Variants in MICU1 observed in about 807,000 individuals in gnomAD.
MICU1 encodes the protein calcium uptake protein 1, mitochondrial.
In MICU1, 45 loss-of-function variants were observed where a neutral mutation model predicts 56.8. The observed-to-expected ratio is 0.79, with a 90% CI of 0.62 to 1.02. MICU1 has a LOEUF of 1.02. Among genes scored for constraint, MICU1 ranks in the 50% least tolerant of loss-of-function variants. MICU1 has a pLI of 0.00. For missense variants in MICU1, 504 were observed against 587.1 expected, an observed-to-expected ratio of 0.86 and a Z score of 1.46; for synonymous variants, 186 against 195.1, an observed-to-expected ratio of 0.95 and a Z score of 0.39.
intron 8 of MICU1, among the ~76,000 whole-genome samples, chr10:72,451,803 A>G (rs1372102644): frequency 6.6e-6 from 1 of 152,140 alleles, no homozygotes; most frequent in Non-Finnish European, 1.5e-5. Context: ...TTGGCCTCTT[A>G]AAGTGCTGGG....
chr10:72,547,533 G>A (rs1285682709), intron 4 of MICU1, among the ~76,000 whole-genome samples: 2 of 146,186 alleles, frequency 1.4e-5, no homozygotes, highest in African/African-American at 5.0e-5. Context: ...ATACACATAT[G>A]TATATATATA....
At chr10:72,554,741 G>A (rs959112988) in intron 3 of MICU1, among the ~76,000 whole-genome samples, 1 of 152,136 alleles carries the variant, frequency 6.6e-6, no homozygotes, top group Non-Finnish European at 1.5e-5. Flanking sequence ...TTGGCCAGGC[G>A]CCGTGGCTCA....
intron 1 of MICU1, among the ~76,000 whole-genome samples, chr10:72,608,942 T>G (rs888881588): frequency 6.6e-6 from 1 of 152,234 alleles, no homozygotes; most frequent in African/African-American, 2.4e-5. Context: ...AGAGTTGCTC[T>G]GAATCCATGC....
At chr10:72,456,990 G>C (rs1865491677) in intron 8 of MICU1, among the ~76,000 whole-genome samples, 1 of 132,150 alleles carries the variant, frequency 7.6e-6, no homozygotes, top group Non-Finnish European at 1.5e-5. Flanking sequence ...TGTGTGTTTT[G>C]TTTGTTTGTT....
chr10:72,484,229 T>C (rs1021078542), intron 6 of MICU1, among the ~76,000 whole-genome samples: 1 of 152,230 alleles, frequency 6.6e-6, no homozygotes, highest in Non-Finnish European at 1.5e-5. Flanking sequence ...GAAGTTTACA[T>C]GGCTAACTTT....
intron 1 of MICU1, among the ~76,000 whole-genome samples, chr10:72,601,945 G>T (rs1358256335): frequency 6.6e-6 from 1 of 151,684 alleles, no homozygotes; most frequent in Non-Finnish European, 1.5e-5. Flanking sequence ...GACTACAGGA[G>T]AGTGCCACCA....
At chr10:72,409,003 G>A (rs556308800) in intron 9 of MICU1, among the ~76,000 whole-genome samples, 4 of 152,086 alleles carry the variant, frequency 2.6e-5, no homozygotes, top group Admixed American at 2.6e-4. Context: ...ATGATGCATC[G>A]AGAAAAAGTA....
chr10:72,373,973 C>A (rs1020309178), intron 11 of MICU1, among the ~76,000 whole-genome samples: 1 of 152,198 alleles, frequency 6.6e-6, no homozygotes, highest in Non-Finnish European at 1.5e-5. Context: ...GCCACATGTG[C>A]CTTGGTGGTA....
chr10:72,613,423 T>G (rs909490290), intron 1 of MICU1, among the ~76,000 whole-genome samples: 13 of 151,822 alleles, frequency 8.6e-5, no homozygotes, highest in Non-Finnish European at 1.5e-4. Flanking sequence ...TACAGGGATG[T>G]GCCACCACGC....
At chr10:72,557,980 T>A (rs1185600831) in intron 3 of MICU1, among the ~76,000 whole-genome samples, 1 of 152,232 alleles carries the variant, frequency 6.6e-6, no homozygotes, top group African/African-American at 2.4e-5. Flanking sequence ...CAAATTGAAC[T>A]AAATAATTTG....
At chr10:72,509,484 G>T in intron 5 of MICU1, 1 of 1,107,722 alleles carries the variant, frequency 9.0e-7, no homozygotes, top group Non-Finnish European at 1.2e-6. Context: ...ACGAATCATC[G>T]TGAAGTCAGT....
chr10:72,590,116 AG>A (rs1841181644), intron 1 of MICU1, among the ~76,000 whole-genome samples: 1 of 152,174 alleles, frequency 6.6e-6, no homozygotes, highest in Admixed American at 6.6e-5. Flanking sequence ...CTGGCAAAAC[AG>A]ATTTTTTTTT....
chr10:72,545,853 T>A (rs537522705), intron 4 of MICU1, among the ~76,000 whole-genome samples: 8 of 152,352 alleles, frequency 5.3e-5, no homozygotes, highest in African/African-American at 1.9e-4. Context: ...ATACTTTGAT[T>A]TCTTTCAGGG....
At chr10:72,400,172 T>C (rs1247571185) in intron 10 of MICU1, among the ~76,000 whole-genome samples, 1 of 152,180 alleles carries the variant, frequency 6.6e-6, no homozygotes, top group Non-Finnish European at 1.5e-5. Context: ...TTAGCAAGGA[T>C]AATGAGACAT....
At chr10:72,433,531 C>T (rs1314216174) in intron 8 of MICU1, among the ~76,000 whole-genome samples, 3 of 151,608 alleles carry the variant, frequency 2.0e-5, no homozygotes, top group Admixed American at 2.0e-4. Flanking sequence ...AGGTTCACAC[C>T]ATTCTCCTGC....
intron 10 of MICU1, among the ~76,000 whole-genome samples, chr10:72,405,281 G>T (rs186048474): frequency 2.0e-5 from 3 of 151,784 alleles, no homozygotes; most frequent in African/African-American, 4.8e-5. Flanking sequence ...GTGCAATGGC[G>T]CAATCTCGGC....
At chr10:72,497,216 C>A (rs577063473) in intron 6 of MICU1, among the ~76,000 whole-genome samples, 1 of 151,594 alleles carries the variant, frequency 6.6e-6, no homozygotes, top group African/African-American at 2.4e-5. Context: ...CATGCCACTG[C>A]ATCCGGCTAA....
intron 4 of MICU1, among the ~76,000 whole-genome samples, chr10:72,545,788 G>C (rs1839880392): frequency 6.6e-6 from 1 of 152,146 alleles, no homozygotes; most frequent in Non-Finnish European, 1.5e-5. Context: ...CCCCAGAAGA[G>C]ACAGGTTTGC....
intron 1 of MICU1, among the ~76,000 whole-genome samples, chr10:72,593,996 T>G (rs1841300233): frequency 6.6e-6 from 1 of 152,184 alleles, no homozygotes; most frequent in Admixed American, 6.5e-5. Context: ...TGACATTGTT[T>G]GAAGAAATAG....
Sources: allele counts gnomAD v4.1 joint callset (sites outside exome capture counted in the v4.1 genomes callset), GRCh38; gene constraint gnomAD v4.1.1; transcripts MANE v1.5; gene names NCBI Gene and HGNC (gene_info 2026-07-23, HGNC 2026-07-21).